CDH13: variants seen among roughly 807,000 people sequenced by gnomAD.
CDH13 encodes cadherin 13.
CDH13 carries 24 observed loss-of-function variants against 63.8 expected under a neutral mutation model. That is an observed-to-expected ratio of 0.38 (90% CI 0.27 to 0.53). The LOEUF is 0.53. CDH13 is among the 20% of genes least tolerant of loss of function. The pLI is 0.85. For missense variants in CDH13, 1,049 were observed against 903.1 expected, an observed-to-expected ratio of 1.16 and a Z score of -2.07; for synonymous variants, 503 against 355.3, an observed-to-expected ratio of 1.42 and a Z score of -4.67.
intron 5 of CDH13, among the ~76,000 whole-genome samples, chr16:83,340,578 T>TCTAGAG (rs1433734891): frequency 6.6e-5 from 10 of 152,188 alleles, no homozygotes; most frequent in Non-Finnish European, 1.2e-4. Context: ...ACTCAAACAG[T>TCTAGAG]AATGTGCACC....
intron 8 of CDH13, among the ~76,000 whole-genome samples, chr16:83,617,969 A>G (rs895861598): frequency 6.6e-6 from 1 of 152,240 alleles, no homozygotes; most frequent in Non-Finnish European, 1.5e-5. Flanking sequence ...TCACTAAATT[A>G]GAATGTAAGC....
intron 8 of CDH13, among the ~76,000 whole-genome samples, chr16:83,631,955 CT>C (rs1863389704): frequency 6.6e-6 from 1 of 152,206 alleles, no homozygotes; most frequent in Non-Finnish European, 1.5e-5. Context: ...ATGAGACAAA[CT>C]GTCCATATGA....
rs1567722388 is a variant in CDH13, at chr16:83,508,131, A to AGG, written c.960+21476_960+21477insGG. ...AGGAAAAGGAAGGAAGGGAGGAAGG[A>AGG]AAGGGAAGGGGAGGGGAGGGGAGGC... On this transcript the variant is annotated intron_variant, in intron 7 of 13. Coordinates refer to ENST00000567109, the MANE Select transcript of CDH13 (RefSeq NM_001257.5). Among the ~76,000 whole-genome samples, 43 of 44,608 alleles carry AGG rather than the reference A, an allele frequency of 9.6e-4. 1 individual carries two copies. The highest frequency in any genetic ancestry group is 3.1e-3 in the African/African-American group (36 of 11,452). The allele number at this position is 44,608 out of a possible 152,430, so 29.3% of individuals were successfully genotyped here. A position where few individuals can be genotyped will look rare whatever the true frequency, so the allele number is the denominator to read the frequency against.
intron 1 of CDH13, among the ~76,000 whole-genome samples, chr16:82,834,393 A>C (rs2038675302): frequency 6.6e-6 from 1 of 152,310 alleles, no homozygotes; most frequent in Admixed American, 6.5e-5. Flanking sequence ...CGATTCAAAG[A>C]GCATCTATTC....
At chr16:83,200,938 T>TGG (rs2039009516) in intron 4 of CDH13, among the ~76,000 whole-genome samples, 1 of 139,112 alleles carries the variant, frequency 7.2e-6, no homozygotes, top group African/African-American at 2.8e-5. Context: ...TGTGTGTGTG[T>TGG]GTGTGTGTGT....
At chr16:83,197,301 C>T (rs1277096959) in intron 4 of CDH13, among the ~76,000 whole-genome samples, 2 of 151,506 alleles carry the variant, frequency 1.3e-5, no homozygotes. Flanking sequence ...GCATGGGGTA[C>T]ATTAGATACA....
At chr16:82,891,704 A>G (rs994688148) in intron 2 of CDH13, among the ~76,000 whole-genome samples, 1 of 152,170 alleles carries the variant, frequency 6.6e-6, no homozygotes, top group African/African-American at 2.4e-5. Flanking sequence ...CATAGGTTAT[A>G]CTTACTGTCG....
chr16:83,034,863 C>T (rs1041676493), intron 3 of CDH13, among the ~76,000 whole-genome samples: 1 of 152,104 alleles, frequency 6.6e-6, no homozygotes, highest in Non-Finnish European at 1.5e-5. Context: ...CAAAGCTCCC[C>T]TGAGTCCTGG....
Position 82,854,400 on chromosome 16 carries a change from C to CAAAAA in CDH13, c.46-3949_46-3945dup, listed in dbSNP as rs66969029. ...TGGGTGACAGAGCAAGGCTCTGTCT[C>CAAAAA]AAAAAAAAAAAAAAAAACAGTAAAA... On this transcript the variant is annotated intron_variant, in intron 1 of 13. Coordinates refer to ENST00000567109, the MANE Select transcript of CDH13 (RefSeq NM_001257.5). Among the ~76,000 whole-genome samples, 86 of 111,978 alleles carry CAAAAA rather than the reference C, an allele frequency of 7.7e-4. 1 individual carries two copies. Among genetic ancestry groups the CAAAAA allele is most frequent in the African/African-American group, 2.8e-3 (79 of 28,694 alleles). 73.5% of individuals were successfully genotyped at this position (111,978 alleles called of 152,430 possible).
At chr16:83,513,257 C>G (rs1415523087) in intron 7 of CDH13, among the ~76,000 whole-genome samples, 1 of 152,120 alleles carries the variant, frequency 6.6e-6, no homozygotes, top group Non-Finnish European at 1.5e-5. Context: ...ACATCTGAGT[C>G]AGCCGCTGAC....
intron 2 of CDH13, among the ~76,000 whole-genome samples, chr16:82,936,511 G>T (rs2042671687): frequency 6.6e-6 from 1 of 152,032 alleles, no homozygotes; most frequent in African/African-American, 2.4e-5. Flanking sequence ...CCACAAAACT[G>T]GTCCTTGGTG....
At chr16:83,370,906 T>C (rs2091355077) in intron 6 of CDH13, among the ~76,000 whole-genome samples, 2 of 152,198 alleles carry the variant, frequency 1.3e-5, no homozygotes, top group African/African-American at 4.8e-5. Flanking sequence ...CTGTCTTTAC[T>C]ACTGTGAATA....
At chr16:82,645,529 G>A (rs769696988) in intron 1 of CDH13, among the ~76,000 whole-genome samples, 1 of 152,026 alleles carries the variant, frequency 6.6e-6, no homozygotes, top group African/African-American at 2.4e-5. Context: ...CAGGGATGCT[G>A]TTCAACATCC....
chr16:83,295,928 C>T (rs2089584871), intron 5 of CDH13, among the ~76,000 whole-genome samples: 1 of 152,132 alleles, frequency 6.6e-6, no homozygotes, highest in South Asian at 2.1e-4. Flanking sequence ...AAAAATTCAT[C>T]AGTGGATCAA....
At chr16:82,643,096 G>A (rs748506840) in intron 1 of CDH13, among the ~76,000 whole-genome samples, 3 of 152,212 alleles carry the variant, frequency 2.0e-5, no homozygotes, top group Non-Finnish European at 4.4e-5. Context: ...GAATTGCTTT[G>A]GGGAAGATGT....
intron 7 of CDH13, among the ~76,000 whole-genome samples, chr16:83,559,743 C>G (rs997976708): frequency 2.0e-5 from 3 of 152,098 alleles, no homozygotes; most frequent in South Asian, 2.1e-4. Flanking sequence ...AGATAACAAG[C>G]ACAGAGTGGC....
intron 2 of CDH13, among the ~76,000 whole-genome samples, chr16:82,949,966 A>C (rs529847016): frequency 3.3e-5 from 5 of 152,076 alleles, no homozygotes; most frequent in Non-Finnish European, 5.9e-5. Context: ...TCTTGGTTGC[A>C]AGCAAAAGGA....
At chr16:83,777,936 A>T (rs778173673) in intron 11 of CDH13, among the ~76,000 whole-genome samples, 1 of 152,252 alleles carries the variant, frequency 6.6e-6, no homozygotes, top group Non-Finnish European at 1.5e-5. Flanking sequence ...TATTAAACTG[A>T]TAAGAACAGA....
At chr16:83,023,030 C>G (rs1189343773) in intron 2 of CDH13, 2 of 152,140 alleles carry the variant, frequency 1.3e-5, no homozygotes, top group Admixed American at 6.5e-5. Flanking sequence ...GAAATCTATG[C>G]CTTTTGGATT....
Sources: gnomAD v4.1 joint callset for allele counts (sites outside exome capture counted in the v4.1 genomes callset) on GRCh38, gnomAD v4.1.1 for gene constraint, MANE v1.5 for transcripts, NCBI Gene and HGNC (gene_info 2026-07-23, HGNC 2026-07-21) for gene names.